DACH1: variants seen among roughly 807,000 people sequenced by gnomAD.
DACH1 encodes the protein dachshund family transcription factor 1.
Under a neutral mutation model 54.2 loss-of-function variants are expected in DACH1, and 12 were observed. The observed-to-expected ratio is 0.22, with a 90% CI of 0.14 to 0.36. The LOEUF (loss-of-function observed/expected upper bound fraction) is 0.36, where lower values mean the gene tolerates loss of function less well. Ranked by LOEUF, DACH1 falls within the 10% of genes least tolerant of loss-of-function variation. The pLI is 1.00. For synonymous variants in DACH1, 386 were observed against 366.2 expected (o/e 1.05, Z -0.62); for missense variants, 805 against 929.8 (o/e 0.87, Z 1.75).
Position 71,630,721 on chromosome 13 carries a change from A to C in DACH1, c.965-4T>G. On this transcript the variant is annotated splice_region_variant and splice_polypyrimidine_tract_variant and intron_variant, in intron 2 of 10. Transcript: ENST00000613252. ...GCTGCAGCGGCTGCTGTCAGACCTTAAAAGAATAAATTAAAAATGAGGTAA... is the reference window on the plus strand; with the variant it reads ...GCTGCAGCGGCTGCTGTCAGACCTTCAAAGAATAAATTAAAAATGAGGTAA... 2 of 1,559,300 alleles carry C rather than the reference A, an allele frequency of 1.3e-6. No individual in the cohort carries two copies. The highest frequency in any genetic ancestry group is 2.4e-5 in the South Asian group (2 of 83,132).
intron 1 of DACH1, among the ~76,000 whole-genome samples, chr13:71,832,911 C>A: frequency 6.6e-6 from 1 of 151,816 alleles, no homozygotes; most frequent in Non-Finnish European, 1.5e-5. Flanking sequence ...TAATTTATCT[C>A]TATTTTTCCT....
chr13:71,510,566 C>G (rs1206893718), intron 6 of DACH1, among the ~76,000 whole-genome samples: 4 of 151,898 alleles, frequency 2.6e-5, no homozygotes, highest in African/African-American at 4.8e-5. Flanking sequence ...ATAGATTTAT[C>G]CAAATTTGTG....
chr13:71,511,307 A>T (rs191642964), intron 6 of DACH1, among the ~76,000 whole-genome samples: 10 of 152,104 alleles, frequency 6.6e-5, no homozygotes, highest in African/African-American at 1.9e-4. Context: ...AATTTGTGGG[A>T]ATTTGTGAGG....
At chr13:71,721,064 G>A (rs1883208725) in intron 1 of DACH1, among the ~76,000 whole-genome samples, 1 of 152,080 alleles carries the variant, frequency 6.6e-6, no homozygotes, top group Non-Finnish European at 1.5e-5. Flanking sequence ...CATTACCTAT[G>A]GATATTTAAG....
chr13:71,744,054 G>C (rs1278853228), intron 1 of DACH1, among the ~76,000 whole-genome samples: 1 of 152,110 alleles, frequency 6.6e-6, no homozygotes, highest in African/African-American at 2.4e-5. Flanking sequence ...AAATTTTACT[G>C]TCCTGACCTC....
intron 1 of DACH1, among the ~76,000 whole-genome samples, chr13:71,747,629 G>C (rs1318132012): frequency 6.6e-6 from 1 of 152,118 alleles, no homozygotes; most frequent in Non-Finnish European, 1.5e-5. Flanking sequence ...ATGCATTCAT[G>C]TCATGCCCAG....
chr13:71,766,824 C>T (rs1885649504), intron 1 of DACH1, among the ~76,000 whole-genome samples: 1 of 146,536 alleles, frequency 6.8e-6, no homozygotes, highest in South Asian at 2.1e-4. Context: ...TGTCAGTTTC[C>T]TCCTGAGAAA....
rs1888848681 is a variant in DACH1, at chr13:71,837,671, T to C, written c.848+28251A>G. 2.0e-5 allele frequency among the ~76,000 whole-genome samples: 3 copies of C among 150,946 alleles called. No homozygotes were observed. The Admixed American group carries it at 2.0e-4, about 10-fold the overall frequency. On this transcript the variant is annotated intron_variant, in intron 1 of 10. Coordinates refer to ENST00000613252, the MANE Select transcript of DACH1 (RefSeq NM_080759.6). Reference sequence around the variant, plus strand: ...TCTAAGAATCCCATTACTGGGTATATACCCAAATGACTATAAATCATGCTG... The same window carrying C: ...TCTAAGAATCCCATTACTGGGTATACACCCAAATGACTATAAATCATGCTG...
At chr13:71,808,617 C>T (rs1046613883) in intron 1 of DACH1, among the ~76,000 whole-genome samples, 1 of 152,074 alleles carries the variant, frequency 6.6e-6, no homozygotes, top group African/African-American at 2.4e-5. Flanking sequence ...TGTTCAAGGT[C>T]ATTTGGTCAT....
chr13:71,627,844 T>TACCAGAG lies in DACH1; in HGVS notation c.1126+2705_1126+2711dup, dbSNP rs147661004. Among the ~76,000 whole-genome samples the TACCAGAG allele has an allele frequency of 5.9e-4, 89 of 152,096 alleles. 2 individuals are homozygous for TACCAGAG. The East Asian group carries it at 0.014, about 24-fold the overall frequency. On this transcript the variant is annotated intron_variant, in intron 3 of 10. Coordinates refer to ENST00000613252, the MANE Select transcript of DACH1 (RefSeq NM_080759.6). ...GGCCTGCAGCTTAGCAAGTAATAGC[T>TACCAGAG]ACCAGAGACAATGGAAAAGCAGGTG...
chr13:71,835,417 T>C (rs1888746162), intron 1 of DACH1, among the ~76,000 whole-genome samples: 2 of 152,112 alleles, frequency 1.3e-5, no homozygotes, highest in African/African-American at 2.4e-5. Flanking sequence ...GTAATGCTTA[T>C]TAAAATGAAA....
At chr13:71,788,583 T>C (rs1288513293) in intron 1 of DACH1, among the ~76,000 whole-genome samples, 2 of 151,856 alleles carry the variant, frequency 1.3e-5, no homozygotes, top group East Asian at 3.9e-4. Flanking sequence ...ACATCACACA[T>C]ACCCCCCCAC....
intron 10 of DACH1, among the ~76,000 whole-genome samples, chr13:71,467,799 C>T (rs1330465448): frequency 6.6e-6 from 1 of 151,984 alleles, no homozygotes; most frequent in African/African-American, 2.4e-5. Flanking sequence ...TGCCAAGGGA[C>T]TAGAGGGAAA....
At chr13:71,702,487 A>G (rs1431008835) in intron 1 of DACH1, among the ~76,000 whole-genome samples, 2 of 152,146 alleles carry the variant, frequency 1.3e-5, no homozygotes, top group Non-Finnish European at 2.9e-5. Context: ...AAAACAATAA[A>G]CTTCTGAAAG....
intron 1 of DACH1, among the ~76,000 whole-genome samples, chr13:71,820,200 G>A (rs918408066): frequency 2.7e-5 from 4 of 149,256 alleles, no homozygotes; most frequent in Admixed American, 1.3e-4. Flanking sequence ...AGAAATACCA[G>A]ACAGTCCAGT....
At chr13:71,654,483 A>G (rs544229013) in intron 2 of DACH1, among the ~76,000 whole-genome samples, 27 of 144,036 alleles carry the variant, frequency 1.9e-4, no homozygotes, top group East Asian at 5.9e-4. Context: ...ATAAAATAAA[A>G]TAAAATAAAA....
chr13:71,688,324 T>G (rs1881291410), intron 1 of DACH1, among the ~76,000 whole-genome samples: 1 of 152,258 alleles, frequency 6.6e-6, no homozygotes, highest in Admixed American at 6.5e-5. Flanking sequence ...TAGTTTTCCC[T>G]TAGAAAGATG....
intron 1 of DACH1, among the ~76,000 whole-genome samples, chr13:71,725,311 CAA>C (rs1307804300): frequency 8.6e-5 from 13 of 151,928 alleles, no homozygotes; most frequent in Non-Finnish European, 1.8e-4. Context: ...AAAAAGAAGA[CAA>C]AAGAGAGAGA....
In DACH1 at chr13:71,861,878, G is replaced by A. The variant is rs527655411; in HGVS notation, c.848+4044C>T. On this transcript the variant is annotated intron_variant, in intron 1 of 10. Transcript: ENST00000613252. ...ATGTTAAATAAATATAGACTGGTTC[G>A]GTTTGCCATCTTTATTAAAACTCCT... Among the ~76,000 whole-genome samples, 199 of 139,180 alleles carry A rather than the reference G, an allele frequency of 1.4e-3. 2 individuals carry two copies. The highest frequency in any genetic ancestry group is 8.0e-3 in the East Asian group (32 of 4,006). 91.3% of individuals were successfully genotyped at this position (139,180 alleles called of 152,430 possible). A position where few individuals can be genotyped will look rare whatever the true frequency, so the allele number is the denominator to read the frequency against.
Sources: allele counts gnomAD v4.1 joint callset (sites outside exome capture counted in the v4.1 genomes callset), GRCh38; gene constraint gnomAD v4.1.1; transcripts MANE v1.5; gene names NCBI Gene and HGNC (gene_info 2026-07-23, HGNC 2026-07-21).